PDIA6: variants seen among roughly 807,000 people sequenced by gnomAD.
The protein encoded by PDIA6 is protein disulfide isomerase family A member 6.
A neutral mutation model predicts 58.4 loss-of-function variants in PDIA6; 29 were observed. That is an observed-to-expected ratio of 0.50 (90% CI 0.37 to 0.68). PDIA6 has a LOEUF of 0.68. Ranked by LOEUF, PDIA6 falls within the 30% of genes least tolerant of loss-of-function variation. The pLI is 0.00. For missense variants in PDIA6, 480 were observed against 551.0 expected (o/e 0.87, Z 1.29); for synonymous variants, 192 against 202.6 (o/e 0.95, Z 0.44).
upstream of PDIA6, among the ~76,000 whole-genome samples, chr2:10,834,721 C>T (rs546530533): frequency 2.3e-3 from 104 of 45,510 alleles, 5 homozygotes; most frequent in Middle Eastern, 0.011. Context: ...CTCCCTCCCT[C>T]CCTTCCTTCC....
chr2:10,809,958 A>G (rs960240539), intron 1 of PDIA6, among the ~76,000 whole-genome samples: 2 of 148,480 alleles, frequency 1.3e-5, no homozygotes, highest in Non-Finnish European at 3.0e-5. Flanking sequence ...GAAAATTCTT[A>G]TATTTTCCTC....
intron 6 of PDIA6, 93 bp from the exon 7 acceptor site, chr2:10,790,926 T>TG: frequency 1.2e-6 from 1 of 834,130 alleles, no homozygotes; most frequent in East Asian, 2.5e-5. Flanking sequence ...CATGGCTCCC[T>TG]GCAGCCTCAA....
At chr2:10,791,421 C>T (rs1666031228) in intron 6 of PDIA6, among the ~76,000 whole-genome samples, 1 of 152,258 alleles carries the variant, frequency 6.6e-6, no homozygotes, top group Non-Finnish European at 1.5e-5. Flanking sequence ...GCTAGGATTA[C>T]AGGTGTGAGC....
chr2:10,810,916 A>C (rs1666977101), intron 1 of PDIA6, among the ~76,000 whole-genome samples: 1 of 152,116 alleles, frequency 6.6e-6, no homozygotes. Flanking sequence ...CATCCGAGTG[A>C]GTGTCTAGAA....
chr2:10,822,407 C>T (rs868635188), intron 1 of PDIA6, among the ~76,000 whole-genome samples: 46 of 152,060 alleles, frequency 3.0e-4, no homozygotes, highest in Non-Finnish European at 2.1e-4. Flanking sequence ...AGACTACAGG[C>T]GCCCGCCACG....
chr2:10,791,155 T>C (rs1666018115), intron 6 of PDIA6, among the ~76,000 whole-genome samples: 2 of 152,042 alleles, frequency 1.3e-5, no homozygotes, highest in Admixed American at 6.6e-5. Flanking sequence ...CTTTTCTTTT[T>C]TTTTTTAAGA....
intron 4 of PDIA6, among the ~76,000 whole-genome samples, chr2:10,795,677 G>C (rs1666236642): frequency 6.6e-6 from 1 of 152,178 alleles, no homozygotes; most frequent in African/African-American, 2.4e-5. Context: ...TACGACGCTG[G>C]AGTATGGAGA....
At chr2:10,816,951 C>T (rs1170978851), upstream of PDIA6, among the ~76,000 whole-genome samples, 2 of 152,134 alleles carry the variant, frequency 1.3e-5, no homozygotes, top group Non-Finnish European at 2.9e-5. Flanking sequence ...TAGTTAATGA[C>T]ATATCAAAAG....
chr2:10,813,087 TC>T (rs1423955248), upstream of PDIA6, among the ~76,000 whole-genome samples: 1 of 151,790 alleles, frequency 6.6e-6, no homozygotes, highest in African/African-American at 2.4e-5. Flanking sequence ...TTACCTTAGT[TC>T]CTTATTCTGC....
rs1432192751 is a variant in PDIA6 at position 10,784,993 on chromosome 2, C to A, written c.1195G>T (p.Gly399Ter). The change falls in exon 12 of 13, where the codon GGA becomes TGA. Residue 399 changes from glycine (G) to a stop codon, truncating the protein, a stop_gained. Transcript: ENST00000272227. LOFTEE classifies it high-confidence loss of function. Reference protein sequence around the residue: ...SFGRGSTAPVGGGAFPTIVER... With the variant: ...SFGRGSTAPV ...ACGATGGTAGGGAAAGCCCCGCCTCCTACAGGTGCCGTGGAGCCACGCCCA... is the reference window on the plus strand; with the variant it reads ...ACGATGGTAGGGAAAGCCCCGCCTCATACAGGTGCCGTGGAGCCACGCCCA... The A allele has an allele frequency of 6.3e-7, 1 of 1,587,418 alleles. No individual in the cohort carries two copies.
chr2:10,828,678 C>T (rs1382769856), intron 1 of PDIA6, among the ~76,000 whole-genome samples: 1 of 152,240 alleles, frequency 6.6e-6, no homozygotes, highest in African/African-American at 2.4e-5. Flanking sequence ...TACCAGCCCC[C>T]TTTGGATCAT....
chr2:10,829,094 T>C (rs1052809276), intron 1 of PDIA6, among the ~76,000 whole-genome samples: 13 of 152,314 alleles, frequency 8.5e-5, no homozygotes, highest in African/African-American at 3.1e-4. Flanking sequence ...GCCCTTCTCA[T>C]TCCCCAAGAG....
At chr2:10,809,663 A>AAT in intron 1 of PDIA6, among the ~76,000 whole-genome samples, 1 of 150,770 alleles carries the variant, frequency 6.6e-6, no homozygotes, top group African/African-American at 2.4e-5. Context: ...AAAAAAAAAA[A>AAT]AAAAAAAAAC....
intron 1 of PDIA6, among the ~76,000 whole-genome samples, chr2:10,802,957 T>C (rs934259227): frequency 1.3e-5 from 2 of 152,238 alleles, no homozygotes; most frequent in Non-Finnish European, 2.9e-5. Context: ...GAGGCAGTAC[T>C]ACTGTCATTT....
chr2:10,834,571 C>T (rs1016217574), upstream of PDIA6, among the ~76,000 whole-genome samples: 4 of 152,042 alleles, frequency 2.6e-5, no homozygotes, highest in East Asian at 1.9e-4. Flanking sequence ...GGATGCAGGC[C>T]GAGGCTCCTG....
chr2:10,819,369 G>T lies in PDIA6; in HGVS notation c.-47-15C>A, dbSNP rs1269476600. 9 of 1,458,694 alleles carry T rather than the reference G, an allele frequency of 6.2e-6. No homozygotes were observed. The East Asian group carries it at 2.0e-4, about 32-fold the overall frequency. 90.4% of individuals were successfully genotyped at this position (1,458,694 alleles called of 1,614,324 possible). On this transcript the variant is annotated splice_polypyrimidine_tract_variant and intron_variant, in intron 1 of 13. Transcript: ENST00000381611. Reference sequence around the variant, plus strand: ...AGTTGGTGAGCCTGAAAGTGAGAGAGAAGAGGAGATGAGTGAGGTGGGGAT... The same window carrying T: ...AGTTGGTGAGCCTGAAAGTGAGAGATAAGAGGAGATGAGTGAGGTGGGGAT...
At chr2:10,810,187 C>CTT in intron 1 of PDIA6, 3 of 867,966 alleles carry the variant, frequency 3.5e-6, no homozygotes, top group Non-Finnish European at 5.6e-6. Context: ...TGGTATGTGT[C>CTT]ATGGTGCCCA....
chr2:10,793,623 C>T (rs1244515251), intron 4 of PDIA6, among the ~76,000 whole-genome samples: 1 of 152,194 alleles, frequency 6.6e-6, no homozygotes, highest in Non-Finnish European at 1.5e-5. Flanking sequence ...CTCAGCCTCT[C>T]AAAGTGCTGG....
intron 1 of PDIA6, among the ~76,000 whole-genome samples, chr2:10,830,552 G>C (rs1050972101): frequency 6.6e-6 from 1 of 152,192 alleles, no homozygotes; most frequent in Non-Finnish European, 1.5e-5. Flanking sequence ...TGCAGCCAAG[G>C]GACAAAAGAG....
Sources: allele counts gnomAD v4.1 joint callset (sites outside exome capture counted in the v4.1 genomes callset), GRCh38; gene constraint gnomAD v4.1.1; transcripts MANE v1.5; gene names NCBI Gene and HGNC (gene_info 2026-07-23, HGNC 2026-07-21).